The following ST3GAL3 variants were observed in gnomAD, a reference collection of about 807,000 sequenced individuals.
ST3GAL3 encodes ST3 beta-galactoside alpha-2,3-sialyltransferase 3, also known as CMP-N-acetylneuraminate-beta-1,4-galactoside alpha-2,3-sialyltransferase.
ST3GAL3 carries 21 observed loss-of-function variants against 50.1 expected under a neutral mutation model. The observed-to-expected ratio is 0.42, with a 90% CI of 0.30 to 0.60. ST3GAL3 has a LOEUF of 0.60. Ranked by LOEUF, ST3GAL3 falls within the 20% of genes least tolerant of loss-of-function variation. The pLI is 0.19. For synonymous variants in ST3GAL3, 183 were observed against 190.0 expected (o/e 0.96, Z 0.30); for missense variants, 353 against 489.4 (o/e 0.72, Z 2.63).
chr1:43,711,704 A>G (rs890951392), intron 1 of ST3GAL3, among the ~76,000 whole-genome samples: 9 of 152,248 alleles, frequency 5.9e-5, no homozygotes, highest in Non-Finnish European at 1.3e-4. Context: ...TACAAGGGCA[A>G]TCTGTTACAT....
At chr1:43,901,855 C>T (rs1194790446) in intron 9 of ST3GAL3, among the ~76,000 whole-genome samples, 1 of 152,206 alleles carries the variant, frequency 6.6e-6, no homozygotes, top group African/African-American at 2.4e-5. Context: ...CTCTGAATTA[C>T]TGTGGGCCTT....
intron 5 of ST3GAL3, among the ~76,000 whole-genome samples, chr1:43,859,463 G>A (rs1245714899): frequency 2.6e-5 from 4 of 152,092 alleles, no homozygotes; most frequent in Non-Finnish European, 5.9e-5. Context: ...GGAGGCTGAG[G>A]CAGGAGAATC....
At chr1:43,901,737 C>T (rs900519058) in intron 9 of ST3GAL3, among the ~76,000 whole-genome samples, 30 of 152,314 alleles carry the variant, frequency 2.0e-4, no homozygotes, top group East Asian at 1.9e-4. Context: ...CATCTGTGTC[C>T]GTCCTGGCCA....
chr1:43,720,502 G>C (rs1353416695), intron 1 of ST3GAL3: 2 of 152,136 alleles, frequency 1.3e-5, no homozygotes, highest in Non-Finnish European at 2.9e-5. Context: ...CAAGATCAAG[G>C]GGCTGGCATG....
chr1:43,786,061 C>T (rs1038872958), intron 2 of ST3GAL3, among the ~76,000 whole-genome samples: 14 of 151,948 alleles, frequency 9.2e-5, no homozygotes, highest in Non-Finnish European at 1.8e-4. Flanking sequence ...CCATTGCCAT[C>T]GACCCGGTTC....
chr1:43,868,609 A>G (rs557728081), intron 5 of ST3GAL3, among the ~76,000 whole-genome samples: 16 of 152,182 alleles, frequency 1.1e-4, no homozygotes, highest in South Asian at 2.1e-4. Context: ...AGTTAGGAAC[A>G]GTATCTTCCT....
chr1:43,883,746 A>G (rs970613277), intron 5 of ST3GAL3, among the ~76,000 whole-genome samples: 5 of 152,100 alleles, frequency 3.3e-5, no homozygotes, highest in African/African-American at 1.2e-4. Context: ...GATGGGGGCT[A>G]CTTCCCTCCT....
intron 9 of ST3GAL3, among the ~76,000 whole-genome samples, chr1:43,917,328 A>G (rs2081975150): frequency 1.4e-5 from 2 of 147,656 alleles, no homozygotes; most frequent in South Asian, 4.2e-4. Context: ...TGCTTTACCC[A>G]TTTTTATGAG....
At chr1:43,913,771 C>T (rs1292579008) in intron 9 of ST3GAL3, 2 of 152,210 alleles carry the variant, frequency 1.3e-5, no homozygotes, top group African/African-American at 4.8e-5. Flanking sequence ...TCCCTGGGAT[C>T]GTGACCTAAA....
At chr1:43,845,387 T>C (rs897948238) in intron 5 of ST3GAL3, among the ~76,000 whole-genome samples, 1 of 152,042 alleles carries the variant, frequency 6.6e-6, no homozygotes, top group African/African-American at 2.4e-5. Context: ...TTCAAGGAAG[T>C]TTTGCCTTTC....
intron 11 of ST3GAL3, among the ~76,000 whole-genome samples, chr1:43,925,868 A>G (rs2083828572): frequency 6.6e-6 from 1 of 152,252 alleles, no homozygotes; most frequent in East Asian, 1.9e-4. Flanking sequence ...ACCCAGTAAG[A>G]TGAGGGCTGA....
At chr1:43,929,862 G>A (rs2084756566) in intron 11 of ST3GAL3, among the ~76,000 whole-genome samples, 6 of 152,210 alleles carry the variant, frequency 3.9e-5, no homozygotes, top group Admixed American at 3.9e-4. Context: ...ACTGAGGAGG[G>A]AGGTTGGGAA....
intron 1 of ST3GAL3, among the ~76,000 whole-genome samples, chr1:43,726,174 C>CA (rs1376996808): frequency 1.3e-5 from 2 of 152,180 alleles, no homozygotes; most frequent in Non-Finnish European, 2.9e-5. Context: ...CATATGTCCC[C>CA]TTCAGCTAGC....
At chr1:43,849,267 ATTTC>A (rs2154211074) in intron 5 of ST3GAL3, among the ~76,000 whole-genome samples, 1 of 149,670 alleles carries the variant, frequency 6.7e-6, no homozygotes, top group African/African-American at 2.5e-5. Flanking sequence ...GGTAGCTAGT[ATTTC>A]TTGGTATTTT....
intron 2 of ST3GAL3, among the ~76,000 whole-genome samples, chr1:43,766,504 CAT>C (rs1558207894): frequency 2.0e-5 from 3 of 152,052 alleles, no homozygotes; most frequent in Non-Finnish European, 4.4e-5. Flanking sequence ...TGGGGTAGGA[CAT>C]GTGGGGACCT....
At chr1:43,858,886 A>G (rs2069178628) in intron 5 of ST3GAL3, among the ~76,000 whole-genome samples, 1 of 152,198 alleles carries the variant, frequency 6.6e-6, no homozygotes, top group South Asian at 2.1e-4. Context: ...ACATGAGTCT[A>G]TGCCTGCCTG....
At chr1:43,786,658 T>G (rs1464676015) in intron 2 of ST3GAL3, among the ~76,000 whole-genome samples, 4 of 152,174 alleles carry the variant, frequency 2.6e-5, no homozygotes, top group East Asian at 1.9e-4. Flanking sequence ...TTTGTTTGGT[T>G]GTTTTGTATC....
intron 5 of ST3GAL3, among the ~76,000 whole-genome samples, chr1:43,870,361 C>G (rs897417378): frequency 6.6e-6 from 1 of 152,254 alleles, no homozygotes; most frequent in African/African-American, 2.4e-5. Context: ...TTTGATCCAG[C>G]AGGAGGTCTG....
intron 1 of ST3GAL3, among the ~76,000 whole-genome samples, chr1:43,717,465 A>G (rs145250827): frequency 0.013 from 2,002 of 152,046 alleles, 50 homozygotes; most frequent in African/African-American, 0.047. Context: ...AAGGAAAGGG[A>G]ACATTTATAT....
Sources: allele counts gnomAD v4.1 joint callset (sites outside exome capture counted in the v4.1 genomes callset), GRCh38; gene constraint gnomAD v4.1.1; transcripts MANE v1.5; gene names NCBI Gene and HGNC (gene_info 2026-07-23, HGNC 2026-07-21).